The following ADGRL3 variants were observed in gnomAD, a reference collection of about 807,000 sequenced individuals.
ADGRL3 encodes adhesion G protein-coupled receptor L3, also known as calcium-independent alpha-latrotoxin receptor 3.
In ADGRL3, 62 loss-of-function variants were observed where a neutral mutation model predicts 153.5. That is an observed-to-expected ratio of 0.40 (90% CI 0.33 to 0.50). ADGRL3 has a LOEUF of 0.50. Among genes scored for constraint, ADGRL3 ranks in the 20% least tolerant of loss-of-function variants. The pLI, the probability that ADGRL3 is intolerant of heterozygous loss-of-function variation, is 0.47. For synonymous variants in ADGRL3, 710 were observed against 672.5 expected (o/e 1.06, Z -0.86); for missense variants, 1,641 against 1,859.4 (o/e 0.88, Z 2.16).
At chr4:61,262,170 G>A (rs1033604020) in intron 1 of ADGRL3, among the ~76,000 whole-genome samples, 5 of 152,142 alleles carry the variant, frequency 3.3e-5, no homozygotes, top group African/African-American at 1.2e-4. Flanking sequence ...CAGTGCCACA[G>A]CAGTGTCCTG....
At chr4:61,462,910 A>G (rs1266966024) in intron 2 of ADGRL3, among the ~76,000 whole-genome samples, 1 of 152,168 alleles carries the variant, frequency 6.6e-6, no homozygotes, top group Non-Finnish European at 1.5e-5. Flanking sequence ...GTTTGGGCCT[A>G]GTCAGAACTG....
intron 1 of ADGRL3, among the ~76,000 whole-genome samples, chr4:61,375,992 C>T (rs1171475757): frequency 3.9e-5 from 6 of 152,048 alleles, no homozygotes; most frequent in Admixed American, 2.0e-4. Context: ...ATACTGTATT[C>T]CTACTGAAGT....
At chr4:61,560,734 T>G (rs2098791618) in intron 4 of ADGRL3, among the ~76,000 whole-genome samples, 1 of 152,106 alleles carries the variant, frequency 6.6e-6, no homozygotes. Flanking sequence ...ATTATCTCCA[T>G]GCAACTGACT....
intron 5 of ADGRL3, among the ~76,000 whole-genome samples, chr4:61,667,495 C>T (rs774550233): frequency 5.9e-5 from 9 of 152,046 alleles, no homozygotes; most frequent in African/African-American, 9.7e-5. Context: ...AGTCACTTTT[C>T]ATTTGTTTCT....
intron 1 of ADGRL3, among the ~76,000 whole-genome samples, chr4:61,240,036 G>A (rs1347164699): frequency 6.6e-6 from 1 of 152,068 alleles, no homozygotes; most frequent in East Asian, 1.9e-4. Context: ...CTGAGAGTAG[G>A]TGGTTCATAA....
chr4:61,733,136 C>T lies in ADGRL3; in HGVS notation c.981C>T (p.Gly327=), dbSNP rs1244693942. 4 of 1,613,120 alleles carry T rather than the reference C, an allele frequency of 2.5e-6. No individual in the cohort carries two copies. The highest frequency in any genetic ancestry group is 3.3e-5 in the Admixed American group (2 of 59,748). The stretch of plus-strand genomic sequence containing the variant: ...ATACCTCCCCTTACCGATGGGGAGG[C>T]AAATCTGACATAGACCTGGCAGTAG... ...YHDTSPYRWG[G]KSDIDLAVDE... is the part of the protein sequence containing the mutation. The change falls in exon 8 of 27, where the codon GGC becomes GGT. Residue 327 remains glycine (G), a synonymous_variant. Transcript: ENST00000683033.
intron 4 of ADGRL3, among the ~76,000 whole-genome samples, chr4:61,529,880 G>A (rs1371367656): frequency 6.6e-6 from 1 of 152,012 alleles, no homozygotes; most frequent in Non-Finnish European, 1.5e-5. Flanking sequence ...AACTAAAAGT[G>A]CTTTTATTAA....
chr4:61,889,923 A>C (rs768892026), intron 9 of ADGRL3, among the ~76,000 whole-genome samples: 1 of 152,202 alleles, frequency 6.6e-6, no homozygotes, highest in Non-Finnish European at 1.5e-5. Flanking sequence ...AAAATATCTA[A>C]TCGAAGAAAG....
chr4:61,837,470 G>A (rs2097953774), intron 9 of ADGRL3, among the ~76,000 whole-genome samples: 4 of 152,078 alleles, frequency 2.6e-5, no homozygotes, highest in Admixed American at 2.6e-4. Context: ...GGGTTTTTAG[G>A]AGAACGGGAA....
intron 1 of ADGRL3, among the ~76,000 whole-genome samples, chr4:61,237,791 T>C (rs1753401062): frequency 6.6e-6 from 1 of 152,232 alleles, no homozygotes; most frequent in South Asian, 2.1e-4. Context: ...ACATTAAATT[T>C]AAAACAAGTC....
intron 6 of ADGRL3, among the ~76,000 whole-genome samples, chr4:61,680,404 TCGTGTGTGTGTGTGTGTG>T (rs2095309938): frequency 8.0e-6 from 1 of 124,262 alleles, no homozygotes. Flanking sequence ...TTATACATAC[TCGTGTGTGTGTGTGTGTG>T]TGTGTGTGTG....
At chr4:61,599,806 G>T (rs773788434) in intron 5 of ADGRL3, among the ~76,000 whole-genome samples, 1 of 152,092 alleles carries the variant, frequency 6.6e-6, no homozygotes, top group East Asian at 1.9e-4. Context: ...AAAAATTTTC[G>T]CTTCTGCAGC....
intron 8 of ADGRL3, among the ~76,000 whole-genome samples, chr4:61,738,834 T>C (rs2151892764): frequency 6.6e-6 from 1 of 152,332 alleles, no homozygotes; most frequent in Non-Finnish European, 1.5e-5. Context: ...TTAATTTCAA[T>C]TGACTTTTTA....
intron 1 of ADGRL3, among the ~76,000 whole-genome samples, chr4:61,336,188 A>T (rs1471664906): frequency 6.6e-6 from 1 of 152,204 alleles, no homozygotes. Context: ...AGTGGAGACT[A>T]TACAAACTGT....
At chr4:61,288,048 G>C (rs1365888041) in intron 1 of ADGRL3, among the ~76,000 whole-genome samples, 1 of 151,724 alleles carries the variant, frequency 6.6e-6, no homozygotes, top group African/African-American at 2.4e-5. Flanking sequence ...AAATGAAATT[G>C]AACACCATAA....
intron 5 of ADGRL3, among the ~76,000 whole-genome samples, chr4:61,614,294 C>A (rs562405211): frequency 8.5e-5 from 13 of 152,118 alleles, no homozygotes; most frequent in Non-Finnish European, 1.9e-4. Context: ...TTCCAAGTGG[C>A]AAACTTCAGA....
rs1055087016 is a variant in ADGRL3, at chr4:61,798,703, C to T, written c.1400-15106C>T. Among the ~76,000 whole-genome samples the T allele has an allele frequency of 5.3e-5, 8 of 151,530 alleles. No individual in the cohort carries two copies. In the South Asian group the frequency reaches 6.2e-4, roughly 12 times the overall value. On this transcript the variant is annotated intron_variant, in intron 8 of 26. Coordinates refer to ENST00000683033, the MANE Select transcript of ADGRL3 (RefSeq NM_001387552.1). ...CACGATCTTGGCTCACTGCAACCTCCGCCTCCTGGGTTCCAGGGATTCTCC... is the reference window on the plus strand; with the variant it reads ...CACGATCTTGGCTCACTGCAACCTCTGCCTCCTGGGTTCCAGGGATTCTCC...
chr4:61,320,030 G>A (rs1177837700), intron 1 of ADGRL3, among the ~76,000 whole-genome samples: 2 of 152,046 alleles, frequency 1.3e-5, no homozygotes, highest in Admixed American at 1.3e-4. Flanking sequence ...TAGAATTAAT[G>A]CTCTTATAAG....
chr4:61,363,462 G>C, intron 1 of ADGRL3, among the ~76,000 whole-genome samples: 1 of 151,970 alleles, frequency 6.6e-6, no homozygotes, highest in East Asian at 1.9e-4. Flanking sequence ...TAAACACGTA[G>C]GTTATGATGC....
Sources: allele counts gnomAD v4.1 joint callset (sites outside exome capture counted in the v4.1 genomes callset), GRCh38; gene constraint gnomAD v4.1.1; transcripts MANE v1.5; gene names NCBI Gene and HGNC (gene_info 2026-07-23, HGNC 2026-07-21).